The following SH3GL2 variants were observed in gnomAD, a reference collection of about 807,000 sequenced individuals.
The protein encoded by SH3GL2 is endophilin-A1.
Under a neutral mutation model 46.0 loss-of-function variants are expected in SH3GL2, and 24 were observed. The ratio of observed to expected loss-of-function variants is 0.52; its 90% CI spans 0.38 to 0.73. SH3GL2 has a LOEUF of 0.73. Among genes scored for constraint, SH3GL2 ranks in the 30% least tolerant of loss-of-function variants. The pLI is 0.00. For missense variants in SH3GL2, 413 were observed against 424.2 expected (o/e 0.97, Z 0.23); for synonymous variants, 196 against 147.1 (o/e 1.33, Z -2.40).
intron 1 of SH3GL2, among the ~76,000 whole-genome samples, chr9:17,688,631 C>A (rs908284883): frequency 1.3e-5 from 2 of 151,624 alleles, no homozygotes; most frequent in Admixed American, 1.3e-4. Flanking sequence ...TTTTGTAGTG[C>A]GAGAGAGGAA....
chr9:17,620,096 T>G (rs1819103191), intron 1 of SH3GL2, among the ~76,000 whole-genome samples: 1 of 152,174 alleles, frequency 6.6e-6, no homozygotes, highest in African/African-American at 2.4e-5. Context: ...TTCAAAAAAT[T>G]CAATTTTAGA....
chr9:17,683,588 C>T (rs986670911), intron 1 of SH3GL2, among the ~76,000 whole-genome samples: 1 of 152,006 alleles, frequency 6.6e-6, no homozygotes, highest in Non-Finnish European at 1.5e-5. Context: ...GAACGTCCTA[C>T]CCCTATACCC....
At chr9:17,730,569 C>G (rs947721710) in intron 1 of SH3GL2, among the ~76,000 whole-genome samples, 2 of 151,976 alleles carry the variant, frequency 1.3e-5, no homozygotes, top group Non-Finnish European at 2.9e-5. Context: ...AGCTTTTTGC[C>G]CATTCAATAT....
intron 1 of SH3GL2, among the ~76,000 whole-genome samples, chr9:17,737,123 G>A (rs1432441479): frequency 6.6e-6 from 1 of 151,970 alleles, no homozygotes; most frequent in African/African-American, 2.4e-5. Flanking sequence ...AACACCACAT[G>A]TTCTCACTCA....
At chr9:17,610,293 C>A (rs560320429) in intron 1 of SH3GL2, among the ~76,000 whole-genome samples, 6 of 152,280 alleles carry the variant, frequency 3.9e-5, no homozygotes, top group Admixed American at 6.5e-5. Flanking sequence ...AACAAATGAA[C>A]TTCCTGAAGA....
chr9:17,776,211 C>T (rs1823637382), intron 3 of SH3GL2, among the ~76,000 whole-genome samples: 1 of 152,094 alleles, frequency 6.6e-6, no homozygotes, highest in African/African-American at 2.4e-5. Flanking sequence ...ACAGAGTCTG[C>T]TGGTTTCCAG....
chr9:17,795,473 C>T (rs376476190), intron 8 of SH3GL2, 71 bp from the exon 9 acceptor site: 3 of 1,231,026 alleles, frequency 2.4e-6, no homozygotes, highest in Non-Finnish European at 3.5e-6. Context: ...GTACAGCAGG[C>T]AGCAGATTCT....
At chr9:17,648,866 A>G (rs183856552) in intron 1 of SH3GL2, among the ~76,000 whole-genome samples, 2 of 152,314 alleles carry the variant, frequency 1.3e-5, no homozygotes, top group East Asian at 3.9e-4. Flanking sequence ...GGCAACCTAG[A>G]AACAAAGTTC....
chr9:17,746,880 G>A (rs773244942), intron 1 of SH3GL2, among the ~76,000 whole-genome samples, 186 bp from the exon 2 acceptor site: 2 of 152,202 alleles, frequency 1.3e-5, no homozygotes, highest in South Asian at 2.1e-4. Flanking sequence ...CAGATGCATA[G>A]CCTTTAGTAA....
intron 1 of SH3GL2, among the ~76,000 whole-genome samples, chr9:17,737,222 G>C (rs1031864600): frequency 7.2e-5 from 11 of 152,150 alleles, no homozygotes; most frequent in Non-Finnish European, 1.0e-4. Flanking sequence ...GGCTAGGGGA[G>C]GGATAGCATT....
intron 1 of SH3GL2, among the ~76,000 whole-genome samples, chr9:17,619,138 A>G (rs1365272313): frequency 1.3e-5 from 2 of 152,192 alleles, no homozygotes; most frequent in Non-Finnish European, 2.9e-5. Context: ...TTACAAGTGC[A>G]GAAGCCGTGG....
chr9:17,624,657 G>A (rs1458848602), intron 1 of SH3GL2, among the ~76,000 whole-genome samples: 1 of 152,154 alleles, frequency 6.6e-6, no homozygotes, highest in African/African-American at 2.4e-5. Context: ...TGGCTCCTGT[G>A]TCCATGTGGC....
intron 3 of SH3GL2, among the ~76,000 whole-genome samples, chr9:17,774,493 A>G (rs1823583299): frequency 6.6e-6 from 1 of 151,816 alleles, no homozygotes; most frequent in African/African-American, 2.4e-5. Flanking sequence ...TTATCATGAA[A>G]AGGTGTTGAA....
At chr9:17,694,158 T>G (rs1043887925) in intron 1 of SH3GL2, among the ~76,000 whole-genome samples, 1 of 152,168 alleles carries the variant, frequency 6.6e-6, no homozygotes, top group African/African-American at 2.4e-5. Context: ...TATAAAGAAG[T>G]ACCTGAGACT....
chr9:17,754,515 T>C (rs575396967), intron 2 of SH3GL2, among the ~76,000 whole-genome samples: 2 of 151,932 alleles, frequency 1.3e-5, no homozygotes, highest in East Asian at 1.9e-4. Flanking sequence ...CTACTAAATA[T>C]ACAAAAAATT....
intron 1 of SH3GL2, among the ~76,000 whole-genome samples, chr9:17,644,475 A>T (rs1211301914): frequency 6.6e-6 from 1 of 152,114 alleles, no homozygotes; most frequent in Non-Finnish European, 1.5e-5. Flanking sequence ...AGTGCTATAA[A>T]TTTACCTGTA....
chr9:17,683,669 G>A (rs953245392), intron 1 of SH3GL2, among the ~76,000 whole-genome samples: 1 of 152,040 alleles, frequency 6.6e-6, no homozygotes, highest in African/African-American at 2.4e-5. Flanking sequence ...ACATACACCA[G>A]GATGCTAAGC....
chr9:17,751,787 C>T (rs1822855319), intron 2 of SH3GL2, among the ~76,000 whole-genome samples: 1 of 152,120 alleles, frequency 6.6e-6, no homozygotes, highest in Admixed American at 6.5e-5. Context: ...TCCCTGAGTG[C>T]ACCCATAATG....
chr9:17,794,187 C>T (rs1396120915), intron 8 of SH3GL2, among the ~76,000 whole-genome samples: 3 of 152,202 alleles, frequency 2.0e-5, no homozygotes, highest in African/African-American at 7.2e-5. Context: ...CTCTCCACTC[C>T]TACACGCAGA....
Sources: allele counts gnomAD v4.1 joint callset (sites outside exome capture counted in the v4.1 genomes callset), GRCh38; gene constraint gnomAD v4.1.1; transcripts MANE v1.5; gene names NCBI Gene and HGNC (gene_info 2026-07-23, HGNC 2026-07-21).